Variants in PDE3B observed in about 807,000 individuals in gnomAD.
PDE3B encodes the protein phosphodiesterase 3B.
PDE3B carries 66 observed loss-of-function variants against 116.8 expected under a neutral mutation model. The ratio of observed to expected loss-of-function variants is 0.56; its 90% CI spans 0.46 to 0.69. The LOEUF (loss-of-function observed/expected upper bound fraction) is 0.69, where lower values mean the gene tolerates loss of function less well. Ranked by LOEUF, PDE3B falls within the 30% of genes least tolerant of loss-of-function variation. PDE3B has a pLI of 0.00. For synonymous variants in PDE3B, 595 were observed against 533.6 expected (o/e 1.12, Z -1.59); for missense variants, 1,384 against 1,368.1 (o/e 1.01, Z -0.18).
chr11:14,645,411 A>G (rs866107340), intron 1 of PDE3B, among the ~76,000 whole-genome samples: 4 of 152,176 alleles, frequency 2.6e-5, no homozygotes, highest in Non-Finnish European at 5.9e-5. Flanking sequence ...ATCCTCTGAT[A>G]TGTGTCTTTT....
At chr11:14,645,483 AGAATGAGAG>A (rs1188399152) in intron 1 of PDE3B, among the ~76,000 whole-genome samples, 5 of 152,212 alleles carry the variant, frequency 3.3e-5, no homozygotes, top group African/African-American at 1.2e-4. Context: ...TACAGCCTTT[AGAATGAGAG>A]GATACATCTA....
At chr11:14,830,991 T>C in intron 8 of PDE3B, 145 bp downstream of exon 8, 1 of 405,726 alleles carries the variant, frequency 2.5e-6, no homozygotes, top group Non-Finnish European at 4.3e-6. Flanking sequence ...AACTGAAATA[T>C]TGCTTGGGTT....
chr11:14,825,577 A>G (rs1802110681), intron 7 of PDE3B, among the ~76,000 whole-genome samples: 1 of 152,220 alleles, frequency 6.6e-6, no homozygotes, highest in African/African-American at 2.4e-5. Flanking sequence ...GTTCAATTCA[A>G]TAAGACCTAA....
chr11:14,779,193 G>A (rs917782589), intron 2 of PDE3B, among the ~76,000 whole-genome samples: 2 of 152,162 alleles, frequency 1.3e-5, no homozygotes, highest in Non-Finnish European at 2.9e-5. Flanking sequence ...TACGTCTGAT[G>A]GGTGTACCTG....
At chr11:14,646,681 T>A (rs899217843) in intron 1 of PDE3B, among the ~76,000 whole-genome samples, 1 of 152,160 alleles carries the variant, frequency 6.6e-6, no homozygotes, top group African/African-American at 2.4e-5. Context: ...ATATTTTAAT[T>A]GTAATTTGTT....
intron 2 of PDE3B, among the ~76,000 whole-genome samples, chr11:14,782,344 A>G (rs968656553): frequency 6.6e-6 from 1 of 152,210 alleles, no homozygotes; most frequent in Non-Finnish European, 1.5e-5. Flanking sequence ...GCATCATGCT[A>G]TCTGACTTCA....
At chr11:14,820,727 C>A (rs900607282) in intron 7 of PDE3B, among the ~76,000 whole-genome samples, 51 of 152,014 alleles carry the variant, frequency 3.4e-4, no homozygotes, top group Non-Finnish European at 7.2e-4. Context: ...ATAAAAGAAC[C>A]CCAGAAAACT....
chr11:14,692,804 A>G (rs868151672), intron 1 of PDE3B, among the ~76,000 whole-genome samples: 49 of 152,250 alleles, frequency 3.2e-4, no homozygotes, highest in Middle Eastern at 3.4e-3. Context: ...TAATAATCCT[A>G]CAGTGGCCTC....
At chr11:14,735,548 A>G (rs1856573076) in intron 1 of PDE3B, among the ~76,000 whole-genome samples, 1 of 152,240 alleles carries the variant, frequency 6.6e-6, no homozygotes, top group Non-Finnish European at 1.5e-5. Flanking sequence ...GGCACTATGT[A>G]GAAGAAATGG....
At chr11:14,645,176 CGG>C (rs34477227) in intron 1 of PDE3B, 123 bp downstream of exon 1, 4,240 of 47,820 alleles carry the variant, frequency 0.089, 84 homozygotes, top group African/African-American at 0.12. Flanking sequence ...GGGTGTGTTG[CGG>C]GGGGGGGGGG....
chr11:14,754,944 C>T (rs1565122833), intron 1 of PDE3B, among the ~76,000 whole-genome samples: 3 of 152,010 alleles, frequency 2.0e-5, no homozygotes, highest in South Asian at 2.1e-4. Context: ...TAATATTTCT[C>T]CCATTATCTG....
intron 1 of PDE3B, among the ~76,000 whole-genome samples, chr11:14,670,644 G>A (rs1293940010): frequency 6.6e-6 from 1 of 152,074 alleles, no homozygotes; most frequent in Non-Finnish European, 1.5e-5. Flanking sequence ...ATGTTTTAAA[G>A]TATTAATGTC....
In PDE3B at chr11:14,667,833, T is replaced by TATA. The variant is rs60396910; in HGVS notation, c.978+22806_978+22808dup. On this transcript the variant is annotated intron_variant, in intron 1 of 15. Coordinates refer to ENST00000282096, the MANE Select transcript of PDE3B (RefSeq NM_000922.4). ...TGCACATGTACCCTAAAACTTAAAG[T>TATA]ATAATAATAATAATAATAATAATAA... is the stretch of plus-strand genomic sequence containing the variant. Among the ~76,000 whole-genome samples the TATA allele has an allele frequency of 5.1e-3, 753 of 148,642 alleles. 7 individuals are homozygous for TATA. Among genetic ancestry groups the TATA allele is most frequent in the African/African-American group, 8.0e-3 (323 of 40,540 alleles).
At chr11:14,700,151 G>A (rs1855321679) in intron 1 of PDE3B, among the ~76,000 whole-genome samples, 1 of 151,682 alleles carries the variant, frequency 6.6e-6, no homozygotes, top group Admixed American at 6.6e-5. Flanking sequence ...ATTTGCCATT[G>A]TATAGGCTTA....
At chr11:14,780,743 A>G (rs1441141413) in intron 2 of PDE3B, among the ~76,000 whole-genome samples, 1 of 152,210 alleles carries the variant, frequency 6.6e-6, no homozygotes, top group Non-Finnish European at 1.5e-5. Context: ...CCCTAATATC[A>G]CAATTAAAAG....
chr11:14,647,884 G>C (rs955239886), intron 1 of PDE3B, among the ~76,000 whole-genome samples: 2 of 149,864 alleles, frequency 1.3e-5, no homozygotes, highest in African/African-American at 4.9e-5. Flanking sequence ...TATAATATTT[G>C]ATTTAAATGC....
At chr11:14,672,389 C>G (rs11023302) in intron 1 of PDE3B, among the ~76,000 whole-genome samples, 53,578 of 151,822 alleles carry the variant, frequency 0.35, 10,879 homozygotes, top group South Asian at 0.46. Flanking sequence ...ATACTTTACA[C>G]ACAGAATGTA....
intron 7 of PDE3B, among the ~76,000 whole-genome samples, chr11:14,819,951 AGAG>A (rs1232461901): frequency 6.6e-6 from 1 of 152,142 alleles, no homozygotes; most frequent in African/African-American, 2.4e-5. Context: ...GACAGAGGCT[AGAG>A]TTGAAGGCTT....
the PDE3B span, among the ~76,000 whole-genome samples, chr11:14,895,312 A>G: frequency 6.6e-6 from 1 of 152,254 alleles, no homozygotes; most frequent in African/African-American, 2.4e-5. Flanking sequence ...GCTGAGCCAT[A>G]CTGGAGGCTG....
Sources: allele counts gnomAD v4.1 joint callset (sites outside exome capture counted in the v4.1 genomes callset), GRCh38; gene constraint gnomAD v4.1.1; transcripts MANE v1.5; gene names NCBI Gene and HGNC (gene_info 2026-07-23, HGNC 2026-07-21).